ARMCX4: variants seen among roughly 807,000 people sequenced by gnomAD.
ARMCX4 encodes the protein armadillo repeat containing X-linked 4, also known as armadillo repeat-containing X-linked protein 4.
Under a neutral mutation model 34.7 loss-of-function variants are expected in ARMCX4, and 3 were observed. The observed-to-expected ratio is 0.09, with a 90% CI of 0.04 to 0.22. ARMCX4 has a LOEUF of 0.22. ARMCX4 is among the 10% of genes least tolerant of loss of function. The pLI is 1.00. For synonymous variants in ARMCX4, 513 were observed against 632.8 expected (o/e 0.81, Z 2.84); for missense variants, 1,448 against 1,720.8 (o/e 0.84, Z 2.81).
At chrX:101,485,024 A>G (rs1242471099), upstream of ARMCX4, among the ~76,000 whole-genome samples, 1 of 111,441 alleles carries the variant, frequency 9.0e-6, no homozygotes, top group Non-Finnish European at 1.9e-5. Context: ...CATTGTACTT[A>G]GAGAGGGCAG....
At chrX:101,527,869 C>T (rs1269700789) in intron 11 of ARMCX4, among the ~76,000 whole-genome samples, 1 of 111,463 alleles carries the variant, frequency 9.0e-6, no homozygotes, top group Admixed American at 9.5e-5. Flanking sequence ...AGTCCAGGAC[C>T]AGACGGATTC....
At chrX:101,439,568 A>G (rs1347540013) in intron 2 of ARMCX4, among the ~76,000 whole-genome samples, 2 of 111,882 alleles carry the variant, frequency 1.8e-5, no homozygotes, top group African/African-American at 3.3e-5. Flanking sequence ...ATCCTGCAGA[A>G]TGTTTTCCAA....
chrX:101,418,777 C>CT (rs782291935), intron 1 of ARMCX4: 5,747 of 92,233 alleles, frequency 0.062, 240 homozygotes, highest in South Asian at 0.2. Context: ...TGCGAGGAGC[C>CT]TTTTTTTTTT....
intron 2 of ARMCX4, among the ~76,000 whole-genome samples, chrX:101,424,067 T>C (rs1555990527): frequency 9.0e-6 from 1 of 110,845 alleles, no homozygotes; most frequent in East Asian, 2.9e-4. Context: ...TTTGCCATGT[T>C]GGTGGGGCTG....
In ARMCX4 at chrX:101,528,135, A is replaced by G. The variant is rs1935026126; in HGVS notation, c.*1781-3509A>G. Reference sequence around the variant, plus strand: ...CAGCACATCAAAAAGCTTATCCACCATGATCAAGTTGGCTTCATCCCTGGG... The same window carrying G: ...CAGCACATCAAAAAGCTTATCCACCGTGATCAAGTTGGCTTCATCCCTGGG... On this transcript the variant is annotated intron_variant and NMD_transcript_variant, in intron 11 of 12. Transcript: ENST00000354842. 4.5e-5 allele frequency among the ~76,000 whole-genome samples: 5 copies of G among 111,915 alleles called. No homozygotes were observed. In the South Asian group the frequency reaches 1.9e-3, roughly 42 times the overall value.
intron 8 of ARMCX4, among the ~76,000 whole-genome samples, chrX:101,505,909 A>G (rs782285272): frequency 8.9e-6 from 1 of 111,977 alleles, no homozygotes; most frequent in Admixed American, 9.5e-5. Flanking sequence ...TGGCACAATC[A>G]TGGCTCACTG....
intron 8 of ARMCX4, among the ~76,000 whole-genome samples, chrX:101,508,365 A>C (rs1335754877): frequency 8.9e-6 from 1 of 112,047 alleles, no homozygotes; most frequent in Non-Finnish European, 1.9e-5. Context: ...ATCAAGACGC[A>C]GTCAGCATTA....
chrX:101,525,945 A>G (rs979142158), intron 11 of ARMCX4, among the ~76,000 whole-genome samples: 4 of 112,032 alleles, frequency 3.6e-5, no homozygotes, highest in African/African-American at 1.3e-4. Flanking sequence ...CCAACCTAGC[A>G]AGGCAGGCCA....
intron 3 of ARMCX4, 113 bp downstream of exon 3, chrX:101,487,385 G>T (rs1488135722): frequency 1.1e-5 from 2 of 188,997 alleles, no homozygotes; most frequent in African/African-American, 3.2e-5. Context: ...GTGCTGCCAT[G>T]CCTCCTGTGG....
downstream of ARMCX4, among the ~76,000 whole-genome samples, chrX:101,535,322 G>A (rs1480530180): frequency 3.6e-5 from 4 of 111,466 alleles, no homozygotes; most frequent in East Asian, 1.1e-3. Flanking sequence ...TCTAAGGTGG[G>A]CCCACTAGTG....
chrX:101,433,110 A>C (rs1930346775), intron 2 of ARMCX4, among the ~76,000 whole-genome samples: 1 of 103,926 alleles, frequency 9.6e-6, no homozygotes, highest in Non-Finnish European at 2.0e-5. Flanking sequence ...ATACGCACGT[A>C]TACACATGTA....
intron 11 of ARMCX4, among the ~76,000 whole-genome samples, chrX:101,525,578 G>T (rs1934949727): frequency 9.0e-6 from 1 of 111,553 alleles, no homozygotes; most frequent in African/African-American, 3.3e-5. Context: ...CTTGAAAAAA[G>T]ATTAGACGAA....
chrX:101,484,161 C>T (rs1003637682), upstream of ARMCX4, among the ~76,000 whole-genome samples: 1 of 111,608 alleles, frequency 9.0e-6, no homozygotes, highest in East Asian at 2.8e-4. Context: ...AATAATGACA[C>T]GGACATCAGG....
intron 4 of ARMCX4, among the ~76,000 whole-genome samples, chrX:101,474,700 A>G (rs782511581): frequency 3.0e-3 from 300 of 101,056 alleles, no homozygotes; most frequent in African/African-American, 0.011. Context: ...CAGAGCCAAA[A>G]ACAAAAACCA....
At chrX:101,523,941 CT>C (rs782549941) in intron 11 of ARMCX4, among the ~76,000 whole-genome samples, 4,153 of 106,786 alleles carry the variant, frequency 0.039, 189 homozygotes, top group African/African-American at 0.13. Context: ...GCAGGCATAG[CT>C]TTTTTTTTTC....
At chrX:101,423,013 G>A (rs1421741452) in intron 2 of ARMCX4, among the ~76,000 whole-genome samples, 4 of 110,408 alleles carry the variant, frequency 3.6e-5, no homozygotes, top group Non-Finnish European at 7.6e-5. Context: ...GGGCTCAAGC[G>A]ATTCTCCTGC....
At chrX:101,482,189 G>A (rs1372549227), upstream of ARMCX4, among the ~76,000 whole-genome samples, 3 of 110,608 alleles carry the variant, frequency 2.7e-5, no homozygotes, top group East Asian at 5.6e-4. Context: ...AGCCAAGATC[G>A]CACCACTGCA....
intron 8 of ARMCX4, among the ~76,000 whole-genome samples, chrX:101,509,172 T>A (rs1205420576): frequency 8.9e-6 from 1 of 112,148 alleles, no homozygotes; most frequent in Non-Finnish European, 1.9e-5. Flanking sequence ...GGACAAAGTT[T>A]CTCTTGGGAA....
chrX:101,516,971 T>C (rs964202629), intron 11 of ARMCX4: 6 of 112,197 alleles, frequency 5.3e-5, no homozygotes, highest in Non-Finnish European at 1.1e-4. Context: ...TCATAAATTC[T>C]TTTTACTGCT....
Sources: gnomAD v4.1 joint callset for allele counts (sites outside exome capture counted in the v4.1 genomes callset) on GRCh38, gnomAD v4.1.1 for gene constraint, MANE v1.5 for transcripts, NCBI Gene and HGNC (gene_info 2026-07-23, HGNC 2026-07-21) for gene names.